The following EYA2 variants were observed in gnomAD, a reference collection of about 807,000 sequenced individuals.
The protein encoded by EYA2 is EYA transcriptional coactivator and phosphatase 2.
In EYA2, 31 loss-of-function variants were observed where a neutral mutation model predicts 69.2. The observed-to-expected ratio is 0.45, with a 90% confidence interval of 0.34 to 0.60. The LOEUF is 0.60. Ranked by LOEUF, EYA2 falls within the 20% of genes least tolerant of loss-of-function variation. EYA2 has a pLI of 0.02. For synonymous variants in EYA2, 257 were observed against 279.4 expected (o/e 0.92, Z 0.80); for missense variants, 622 against 701.2 (o/e 0.89, Z 1.28).
intron 9 of EYA2, among the ~76,000 whole-genome samples, chr20:47,116,917 C>T (rs1037081771): frequency 6.6e-6 from 1 of 151,778 alleles, no homozygotes; most frequent in African/African-American, 2.4e-5. Context: ...TACTGAAGGG[C>T]GGTCTGGCAT....
intron 5 of EYA2, among the ~76,000 whole-genome samples, chr20:47,039,813 G>A (rs1984935873): frequency 6.8e-6 from 1 of 146,938 alleles, no homozygotes. Flanking sequence ...TCATCTCATA[G>A]GGTCATTGTG....
At chr20:46,933,510 G>A (rs946358352) in intron 1 of EYA2, among the ~76,000 whole-genome samples, 2 of 152,186 alleles carry the variant, frequency 1.3e-5, no homozygotes, top group African/African-American at 2.4e-5. Flanking sequence ...GTCCCACAGG[G>A]TGACCCCAAA....
chr20:47,142,356 T>C lies in EYA2; in HGVS notation c.889-703T>C, dbSNP rs78147696. On this transcript the variant is annotated intron_variant, in intron 9 of 15. Coordinates refer to ENST00000327619, the MANE Select transcript of EYA2 (RefSeq NM_005244.5). ...TGTATACAGAAAGGAGGCACTTTCA[T>C]TGCACAAGTGTGCAAATTCATACGT... 2.0e-3 allele frequency among the ~76,000 whole-genome samples: 304 copies of C among 152,340 alleles called. 1 individual carries two copies. Among genetic ancestry groups the C allele is most frequent in the African/African-American group, 7.1e-3 (296 of 41,584 alleles).
chr20:47,082,410 A>G (rs1366412138), intron 7 of EYA2, among the ~76,000 whole-genome samples: 1 of 151,178 alleles, frequency 6.6e-6, no homozygotes, highest in Non-Finnish European at 1.5e-5. Context: ...GCAGTGTTGC[A>G]GGGTACTAGG....
Position 47,093,786 on chromosome 20 carries a change from A to G in EYA2, c.805-3299A>G, listed in dbSNP as rs548024826. ...AGTAGTGACTGCAAGCCAAGTATGA[A>G]CTACACAAACAGGTTATATAACAAG... On this transcript the variant is annotated intron_variant, in intron 8 of 15. Coordinates refer to ENST00000327619, the MANE Select transcript of EYA2 (RefSeq NM_005244.5). Among the ~76,000 whole-genome samples the G allele has an allele frequency of 2.2e-4, 34 of 152,328 alleles. No homozygotes were observed. The South Asian group carries it at 7.0e-3, about 32-fold the overall frequency.
chr20:46,963,212 C>T (rs1161121648), intron 1 of EYA2, among the ~76,000 whole-genome samples: 1 of 152,238 alleles, frequency 6.6e-6, no homozygotes, highest in African/African-American at 2.4e-5. Context: ...AAATAAACTG[C>T]TTGCCCTGGA....
intron 9 of EYA2, among the ~76,000 whole-genome samples, chr20:47,118,777 C>T (rs1378610151): frequency 1.3e-5 from 2 of 152,116 alleles, no homozygotes; most frequent in Non-Finnish European, 2.9e-5. Context: ...GAGTTCTGAG[C>T]GAGTTAAGTC....
intron 9 of EYA2, among the ~76,000 whole-genome samples, chr20:47,103,070 CTGTTGT>C (rs966637700): frequency 1.3e-5 from 2 of 151,990 alleles, no homozygotes; most frequent in Non-Finnish European, 2.9e-5. Flanking sequence ...ACTCCAGGAC[CTGTTGT>C]TGTTGTTGTT....
chr20:46,987,160 C>T (rs566462456), intron 1 of EYA2, among the ~76,000 whole-genome samples: 3 of 152,308 alleles, frequency 2.0e-5, no homozygotes, highest in African/African-American at 4.8e-5. Flanking sequence ...AGGCCACACA[C>T]GGTCTCTGTT....
chr20:47,036,688 G>A (rs1984733609), intron 5 of EYA2, among the ~76,000 whole-genome samples: 1 of 152,216 alleles, frequency 6.6e-6, no homozygotes, highest in African/African-American at 2.4e-5. Flanking sequence ...TCTCCAGGCA[G>A]CCGGAATCCA....
intron 1 of EYA2, among the ~76,000 whole-genome samples, chr20:46,916,932 G>C (rs935850095): frequency 1.3e-5 from 2 of 152,046 alleles, no homozygotes; most frequent in African/African-American, 4.8e-5. Context: ...TATATAGAGA[G>C]ATAACCTATA....
chr20:46,899,061 G>A lies in EYA2; in HGVS notation c.-11+4074G>A, dbSNP rs574656229. Among the ~76,000 whole-genome samples, 27 of 152,222 alleles carry A rather than the reference G, an allele frequency of 1.8e-4. 3 individuals carry two copies. The highest frequency in any genetic ancestry group is 5.5e-4 in the African/African-American group (23 of 41,530). ...TGTATTTTTAAAGTGGATTCTTGCC[G>A]CAACCCCTTGAGTATTATTATCATT... On this transcript the variant is annotated intron_variant, in intron 1 of 15. Coordinates refer to ENST00000327619, the MANE Select transcript of EYA2 (RefSeq NM_005244.5).
intron 1 of EYA2, among the ~76,000 whole-genome samples, chr20:46,943,870 T>C (rs1354406838): frequency 1.3e-5 from 2 of 152,228 alleles, no homozygotes; most frequent in Admixed American, 6.5e-5. Flanking sequence ...CTTGAAACCC[T>C]TTGCACACTT....
intron 1 of EYA2, among the ~76,000 whole-genome samples, chr20:46,938,407 GTATT>G (rs1986013201): frequency 6.6e-6 from 1 of 152,176 alleles, no homozygotes; most frequent in Non-Finnish European, 1.5e-5. Flanking sequence ...AAAAAAACAA[GTATT>G]TATTATATCA....
At chr20:47,166,187 G>A (rs2034181643) in intron 10 of EYA2, among the ~76,000 whole-genome samples, 1 of 151,500 alleles carries the variant, frequency 6.6e-6, no homozygotes, top group African/African-American at 2.4e-5. Flanking sequence ...ATCTCTTGAG[G>A]CCAGGAGTTT....
At position 47,183,417 on chromosome 20, in the gene EYA2, G is replaced by A. The variant is rs8125169; in HGVS notation, c.1536+26G>A. On this transcript the variant is annotated intron_variant, in intron 15 of 15. Coordinates refer to ENST00000327619, the MANE Select transcript of EYA2 (RefSeq NM_005244.5). The stretch of plus-strand genomic sequence containing the variant: ...GTACTTCTTCCACCTCTCAGACTGC[G>A]TTTTCCTGCTCTTTCGAGCACCCCT... The A allele has an allele frequency of 0.011, 17,074 of 1,607,250 alleles. 631 individuals carry two copies. In the African/African-American group the frequency reaches 0.11, roughly 11 times the overall value.
intron 9 of EYA2, chr20:47,117,340 C>T: frequency 3.1e-6 from 3 of 982,816 alleles, no homozygotes; most frequent in Non-Finnish European, 3.6e-6. Flanking sequence ...ATCCCCAGGC[C>T]ATCCTTTCAC....
At chr20:46,978,856 C>T (rs1219347177) in intron 1 of EYA2, among the ~76,000 whole-genome samples, 1 of 152,176 alleles carries the variant, frequency 6.6e-6, no homozygotes, top group African/African-American at 2.4e-5. Context: ...GAAGTAAGAG[C>T]AATCCTGAGC....
At chr20:46,960,329 C>T (rs1328447889) in intron 1 of EYA2, among the ~76,000 whole-genome samples, 4 of 152,056 alleles carry the variant, frequency 2.6e-5, no homozygotes, top group Non-Finnish European at 5.9e-5. Flanking sequence ...GGAGGAGCAG[C>T]CAGGATTTGA....
Sources: allele counts gnomAD v4.1 joint callset (sites outside exome capture counted in the v4.1 genomes callset), GRCh38; gene constraint gnomAD v4.1.1; transcripts MANE v1.5; gene names NCBI Gene and HGNC (gene_info 2026-07-23, HGNC 2026-07-21).